Variants in ENPP6 observed in about 807,000 individuals in gnomAD.
ENPP6 encodes glycerophosphocholine cholinephosphodiesterase ENPP6.
Under a neutral mutation model 42.0 loss-of-function variants are expected in ENPP6, and 32 were observed. The observed-to-expected ratio is 0.76, with a 90% CI of 0.58 to 1.02. ENPP6 has a LOEUF of 1.02. ENPP6 is among the 50% of genes least tolerant of loss of function. The pLI, the probability that ENPP6 is intolerant of heterozygous loss-of-function variation, is 0.00. For missense variants in ENPP6, 552 were observed against 566.8 expected, an observed-to-expected ratio of 0.97 and a Z score of 0.27; for synonymous variants, 213 against 216.0, an observed-to-expected ratio of 0.99 and a Z score of 0.12.
In ENPP6 at chr4:184,184,378, T is replaced by A. The variant is rs1032303274; in HGVS notation, c.242-30645A>T. 6.6e-6 allele frequency among the ~76,000 whole-genome samples: 1 copy of A among 152,120 alleles called. No homozygotes were observed. The highest frequency in any genetic ancestry group is 2.1e-4 in the South Asian group (1 of 4,828). ...TAAGAATCAAATAGATTTTTGGATA[T>A]TAAGAATATAATAATGTTAAAACTT... is the stretch of plus-strand genomic sequence containing the variant. On this transcript the variant is annotated intron_variant, in intron 1 of 7. Coordinates refer to ENST00000296741, the MANE Select transcript of ENPP6 (RefSeq NM_153343.4). The surrounding 1 kb of genome is among the most constrained non-coding windows in gnomAD (Gnocchi z 4.7).
At chr4:184,098,051 T>G (rs1735941373) in intron 6 of ENPP6, among the ~76,000 whole-genome samples, 1 of 152,240 alleles carries the variant, frequency 6.6e-6, no homozygotes. Flanking sequence ...CTCCCATGCT[T>G]TCTTTCCCAC....
At chr4:184,094,822 A>C (rs1205442278) in intron 7 of ENPP6, among the ~76,000 whole-genome samples, 3 of 152,198 alleles carry the variant, frequency 2.0e-5, no homozygotes, top group Non-Finnish European at 2.9e-5. Flanking sequence ...GCAAGATTAG[A>C]CTGTTCAAAT....
intron 2 of ENPP6, among the ~76,000 whole-genome samples, chr4:184,147,749 T>A (rs953547287): frequency 4.0e-5 from 6 of 150,604 alleles, no homozygotes; most frequent in African/African-American, 1.2e-4. Context: ...TGCAGTGAGC[T>A]ATGATTGCAC....
intron 2 of ENPP6, among the ~76,000 whole-genome samples, chr4:184,130,284 C>T (rs896067730): frequency 1.4e-4 from 22 of 151,954 alleles, no homozygotes; most frequent in East Asian, 1.4e-3. Flanking sequence ...TTTGGCCGGG[C>T]GCGGTGGCTC....
intron 2 of ENPP6, among the ~76,000 whole-genome samples, chr4:184,138,331 C>T (rs1415093568): frequency 6.6e-6 from 1 of 152,196 alleles, no homozygotes; most frequent in East Asian, 1.9e-4. Context: ...GCCAAAATCA[C>T]ACAGTGATCT....
At chr4:184,134,651 C>A (rs1393920609) in intron 2 of ENPP6, among the ~76,000 whole-genome samples, 1 of 146,846 alleles carries the variant, frequency 6.8e-6, no homozygotes, top group Non-Finnish European at 1.5e-5. Flanking sequence ...AAGTTTTCAT[C>A]CACTTTAACA....
At chr4:184,113,057 A>T (rs1227885441) in intron 5 of ENPP6, among the ~76,000 whole-genome samples, 2 of 152,208 alleles carry the variant, frequency 1.3e-5, no homozygotes, top group African/African-American at 4.8e-5. Flanking sequence ...ATAGAGTGAA[A>T]TCCCTCAAGC....
intron 3 of ENPP6, 67 bp from the exon 4 acceptor site, chr4:184,117,967 C>G: frequency 6.4e-7 from 1 of 1,559,804 alleles, no homozygotes; most frequent in South Asian, 1.2e-5. Flanking sequence ...TTATCACCCC[C>G]ATAGCACTCT....
At position 184,217,738 on chromosome 4, in the gene ENPP6, C is replaced by G. The variant is rs768874081; in HGVS notation, c.82G>C (p.Val28Leu). 3 of 1,614,210 alleles carry G rather than the reference C, an allele frequency of 1.9e-6. No individual in the cohort carries two copies. In the East Asian group the frequency reaches 6.7e-5, roughly 36 times the overall value. ...GAGCGAAAACCATCCAGCAGAAACA[C>G]CAGCAGCTTCCGGCGGGCAGAGGCT... ...QPASARRKLL[V>L]FLLDGFRSDY... The change falls in exon 1 of 8, where the codon GTG becomes CTG. Residue 28 changes from valine (V) to leucine (L), a missense_variant. Coordinates refer to ENST00000296741, the MANE Select transcript of ENPP6 (RefSeq NM_153343.4).
At chr4:184,157,317 G>A (rs959959789) in intron 1 of ENPP6, among the ~76,000 whole-genome samples, 1 of 152,200 alleles carries the variant, frequency 6.6e-6, no homozygotes, top group South Asian at 2.1e-4. Flanking sequence ...GGATCCCACT[G>A]CAGCATCCTT....
intron 1 of ENPP6, among the ~76,000 whole-genome samples, chr4:184,173,154 C>T (rs1737500798): frequency 6.6e-6 from 1 of 152,176 alleles, no homozygotes; most frequent in Non-Finnish European, 1.5e-5. Flanking sequence ...ATCCACCCCC[C>T]TCAGCCTCCC....
At position 184,134,357 on chromosome 4, in the gene ENPP6, C is replaced by T. The variant is rs551246139; in HGVS notation, c.422-10085G>A. Among the ~76,000 whole-genome samples, 188 of 152,224 alleles carry T rather than the reference C, an allele frequency of 1.2e-3. 1 individual carries two copies. The South Asian group carries it at 0.038, about 31-fold the overall frequency. ...TTTCCTTAAATGTTTGAAAACTTCA[C>T]TAGTGGAGTGTCTAATACTGGGTTA... On this transcript the variant is annotated intron_variant, in intron 2 of 7. Transcript: ENST00000296741.
chr4:184,143,259 A>C lies in ENPP6; in HGVS notation c.421+10295T>G, dbSNP rs755309115. On this transcript the variant is annotated intron_variant, in intron 2 of 7. Transcript: ENST00000296741. ...CTAGGAATTCCTTCCTCACCCCTCC[A>C]ATTTGAATCTCTGATTCCCAAGTCT... Among the ~76,000 whole-genome samples, 10 of 152,238 alleles carry C rather than the reference A, an allele frequency of 6.6e-5. No homozygotes were observed. In the South Asian group the frequency reaches 8.3e-4, roughly 13 times the overall value.
chr4:184,200,005 C>T (rs1041189148), intron 1 of ENPP6, among the ~76,000 whole-genome samples: 12 of 152,240 alleles, frequency 7.9e-5, no homozygotes, highest in African/African-American at 2.9e-4. Flanking sequence ...GTGAAGCTGT[C>T]TCCCTCCTCA....
intron 1 of ENPP6, among the ~76,000 whole-genome samples, chr4:184,211,371 A>G (rs1430314795): frequency 6.6e-6 from 1 of 152,176 alleles, no homozygotes; most frequent in African/African-American, 2.4e-5. Context: ...AGAGAGAAGA[A>G]TCAAATAGAC....
chr4:184,169,484 C>T (rs953838538), intron 1 of ENPP6, among the ~76,000 whole-genome samples: 2 of 152,226 alleles, frequency 1.3e-5, no homozygotes, highest in Non-Finnish European at 1.5e-5. Context: ...CAGGAGCCAG[C>T]AGCCCTCTCT....
intron 2 of ENPP6, among the ~76,000 whole-genome samples, chr4:184,144,933 C>T (rs1736893617): frequency 6.6e-6 from 1 of 152,364 alleles, no homozygotes; most frequent in African/African-American, 2.4e-5. Flanking sequence ...TGACAGCCCA[C>T]GGCCCCGGCC....
chr4:184,097,499 A>T (rs1327314131), intron 6 of ENPP6, 131 bp from the exon 7 acceptor site: 1 of 1,325,174 alleles, frequency 7.5e-7, no homozygotes, highest in South Asian at 1.4e-5. Flanking sequence ...GACTGACCCA[A>T]CCTCCGCTGC....
At chr4:184,199,928 A>G (rs1732865233) in intron 1 of ENPP6, among the ~76,000 whole-genome samples, 1 of 152,146 alleles carries the variant, frequency 6.6e-6, no homozygotes, top group East Asian at 1.9e-4. Flanking sequence ...CACATCCCTG[A>G]TATCATAATT....
Sources: allele counts gnomAD v4.1 joint callset (sites outside exome capture counted in the v4.1 genomes callset), GRCh38; gene constraint gnomAD v4.1.1; non-coding constraint Gnocchi (gnomAD v3.1); transcripts MANE v1.5; gene names NCBI Gene and HGNC (gene_info 2026-07-23, HGNC 2026-07-21).